The following CDH18 variants were observed in gnomAD, a reference collection of about 807,000 sequenced individuals.
CDH18 encodes the protein cadherin-18.
In CDH18, 31 loss-of-function variants were observed where a neutral mutation model predicts 67.9. The ratio of observed to expected loss-of-function variants is 0.46; its 90% CI spans 0.34 to 0.62. The LOEUF is 0.62. Ranked by LOEUF, CDH18 falls within the 20% of genes least tolerant of loss-of-function variation. The probability of loss-of-function intolerance (pLI) is 0.01; values close to 1 mark genes in which losing one functional copy is unlikely to be tolerated. For synonymous variants in CDH18, 362 were observed against 347.2 expected, an observed-to-expected ratio of 1.04 and a Z score of -0.48; for missense variants, 890 against 975.5, an observed-to-expected ratio of 0.91 and a Z score of 1.17.
At chr5:20,448,584 G>A (rs898253281) in intron 1 of CDH18, among the ~76,000 whole-genome samples, 1 of 152,022 alleles carries the variant, frequency 6.6e-6, no homozygotes, top group Non-Finnish European at 1.5e-5. Context: ...TTGCTGTTGG[G>A]ATCCTGCTTG....
intron 3 of CDH18, among the ~76,000 whole-genome samples, chr5:19,766,233 T>C (rs1773078116): frequency 6.6e-6 from 1 of 152,190 alleles, no homozygotes; most frequent in African/African-American, 2.4e-5. Flanking sequence ...CTGAACTCAT[T>C]CTGTATCTTC....
chr5:20,261,482 T>G (rs1744648441), intron 1 of CDH18, among the ~76,000 whole-genome samples: 1 of 152,204 alleles, frequency 6.6e-6, no homozygotes, highest in African/African-American at 2.4e-5. Flanking sequence ...GGCTCACGCC[T>G]CTAATCCCAG....
At chr5:19,789,078 G>A (rs950863682) in intron 3 of CDH18, among the ~76,000 whole-genome samples, 3 of 152,110 alleles carry the variant, frequency 2.0e-5, no homozygotes, top group Non-Finnish European at 4.4e-5. Context: ...GCATCTAAGG[G>A]AACAGTCTGG....
upstream of CDH18, among the ~76,000 whole-genome samples, chr5:19,990,222 G>A (rs1279079357): frequency 6.6e-6 from 1 of 152,190 alleles, no homozygotes; most frequent in East Asian, 1.9e-4. Flanking sequence ...AGGTCCTATA[G>A]TTTAATTGTT....
chr5:19,952,630 CTA>C (rs968722729), intron 2 of CDH18, among the ~76,000 whole-genome samples: 5 of 152,096 alleles, frequency 3.3e-5, no homozygotes, highest in Non-Finnish European at 5.9e-5. Flanking sequence ...AAAAATAAAA[CTA>C]TTTTGCTGAA....
At chr5:19,564,748 A>G (rs1740054342) in intron 8 of CDH18, among the ~76,000 whole-genome samples, 1 of 152,256 alleles carries the variant, frequency 6.6e-6, no homozygotes, top group Non-Finnish European at 1.5e-5. Flanking sequence ...TGGAGCATCA[A>G]GCAGGCTCCT....
intron 2 of CDH18, among the ~76,000 whole-genome samples, chr5:20,168,155 G>A (rs1736439534): frequency 6.6e-6 from 1 of 152,146 alleles, no homozygotes; most frequent in Admixed American, 6.6e-5. Context: ...CACCAAGCAA[G>A]CAAGTTTATC....
At position 19,473,307 on chromosome 5, in the gene CDH18, A is replaced by G; in HGVS notation, c.2292T>C (p.Tyr764=). 6.2e-7 allele frequency: 1 copy of G among 1,613,866 alleles called. No homozygotes were observed. Among genetic ancestry groups the G allele is most frequent in the Non-Finnish European group, 8.5e-7 (1 of 1,179,870 alleles). The part of the protein sequence containing the change: ...DSATTQSDQD[Y]HYLGDWGPEF... The stretch of plus-strand genomic sequence containing the variant: ...CGGGTCCCCAGTCTCCAAGGTAGTG[A>G]TAATCCTGGTCTGATTGTGTCGTTG... The change falls in exon 13 of 13, where the codon TAT becomes TAC. Residue 764 remains tyrosine, a synonymous_variant. Transcript: ENST00000382275.
chr5:19,840,290 A>G (rs868556859), intron 2 of CDH18, among the ~76,000 whole-genome samples: 1 of 26,514 alleles, frequency 3.8e-5, no homozygotes, highest in Admixed American at 4.0e-4. Context: ...AAAAAAAAGA[A>G]AAAAAAAAAA....
chr5:19,676,437 G>C (rs1176912700), intron 5 of CDH18, among the ~76,000 whole-genome samples: 1 of 151,932 alleles, frequency 6.6e-6, no homozygotes, highest in Non-Finnish European at 1.5e-5. Flanking sequence ...CCAAATCTAG[G>C]AATGTCAGCA....
intron 2 of CDH18, among the ~76,000 whole-genome samples, chr5:20,033,199 CT>C (rs756999723): frequency 4.7e-4 from 71 of 151,082 alleles, no homozygotes; most frequent in African/African-American, 1.4e-3. Context: ...TGGTATCTTC[CT>C]TTTTAAAAAA....
chr5:20,335,973 G>A (rs1027086859), intron 1 of CDH18, among the ~76,000 whole-genome samples: 1 of 152,094 alleles, frequency 6.6e-6, no homozygotes, highest in African/African-American at 2.4e-5. Context: ...TTGTGTAGAG[G>A]AAAAATTTTT....
chr5:20,222,203 A>G (rs1002202522), intron 2 of CDH18, among the ~76,000 whole-genome samples: 1 of 152,318 alleles, frequency 6.6e-6, no homozygotes, highest in Admixed American at 6.5e-5. Context: ...CATGAAAAGA[A>G]TGAAGATAGA....
rs188375482 is a variant in CDH18 at position 20,392,480 on chromosome 5, T to C, written c.-579-136975A>G. 1.7e-3 allele frequency among the ~76,000 whole-genome samples: 265 copies of C among 152,044 alleles called. 3 individuals are homozygous for C. Among genetic ancestry groups the C allele is most frequent in the African/African-American group, 5.9e-3 (246 of 41,564 alleles). ...TTTACATGCTTGAGAACTCAATTCA[T>C]ATATATTTATAATTTCTAGCTAAAA... is the stretch of plus-strand genomic sequence containing the variant. On this transcript the variant is annotated intron_variant, in intron 1 of 14. Transcript: ENST00000507958.
At chr5:20,185,202 T>G (rs557922720) in intron 2 of CDH18, among the ~76,000 whole-genome samples, 1 of 152,178 alleles carries the variant, frequency 6.6e-6, no homozygotes, top group South Asian at 2.1e-4. Flanking sequence ...GTCAACAATA[T>G]GTTCAAAGTA....
intron 9 of CDH18, among the ~76,000 whole-genome samples, chr5:19,536,550 A>G (rs894066700): frequency 6.6e-6 from 1 of 152,228 alleles, no homozygotes; most frequent in African/African-American, 2.4e-5. Context: ...ATGTGTACGT[A>G]TCTCTGTGCA....
rs1176275853 is a variant in CDH18, at chr5:19,667,435, G to A, written c.643+53912C>T. On this transcript the variant is annotated intron_variant, in intron 5 of 12. Coordinates refer to ENST00000382275, the MANE Select transcript of CDH18 (RefSeq NM_004934.5). ...CTTAAAACTATAAAAACATATTTAAGCAATTTAAAATATAATTAATTTCAT... is the reference window on the plus strand; with the variant it reads ...CTTAAAACTATAAAAACATATTTAAACAATTTAAAATATAATTAATTTCAT... 3.4e-5 allele frequency among the ~76,000 whole-genome samples: 5 copies of A among 148,304 alleles called. No individual in the cohort carries two copies. The Admixed American group carries it at 3.4e-4, about 10-fold the overall frequency.
chr5:19,499,649 G>C (rs1742910653), intron 11 of CDH18, among the ~76,000 whole-genome samples: 1 of 151,570 alleles, frequency 6.6e-6, no homozygotes, highest in Admixed American at 6.6e-5. Context: ...ATTTATTTCT[G>C]TATTTTGAAG....
chr5:19,950,907 A>G (rs933389609), intron 2 of CDH18, among the ~76,000 whole-genome samples: 1 of 152,154 alleles, frequency 6.6e-6, no homozygotes, highest in Non-Finnish European at 1.5e-5. Flanking sequence ...CTCTGCTAAA[A>G]CCTTATCAAC....
Sources: allele counts gnomAD v4.1 joint callset (sites outside exome capture counted in the v4.1 genomes callset), GRCh38; gene constraint gnomAD v4.1.1; transcripts MANE v1.5; gene names NCBI Gene and HGNC (gene_info 2026-07-23, HGNC 2026-07-21).